The following CCBE1 variants were observed in gnomAD, a reference collection of about 807,000 sequenced individuals.
The protein encoded by CCBE1 is collagen and calcium binding EGF domains 1, also known as collagen and calcium-binding EGF domain-containing protein 1.
Under a neutral mutation model 50.0 loss-of-function variants are expected in CCBE1, and 37 were observed. The observed-to-expected ratio is 0.74, with a 90% confidence interval of 0.57 to 0.97. CCBE1 has a LOEUF of 0.97. Ranked by LOEUF, CCBE1 falls within the 50% of genes least tolerant of loss-of-function variation. The pLI, the probability that CCBE1 is intolerant of heterozygous loss-of-function variation, is 0.00. For missense variants in CCBE1, 538 were observed against 523.8 expected, an observed-to-expected ratio of 1.03 and a Z score of -0.26; for synonymous variants, 234 against 203.7, an observed-to-expected ratio of 1.15 and a Z score of -1.27.
chr18:59,439,814 A>G lies in CCBE1; in HGVS notation c.778T>C (p.Ser260Pro), dbSNP rs748503900. Residue 260 changes from serine to proline, a missense_variant and splice_region_variant, in exon 8 of 11, where the codon TCA becomes CCA. Ser to Pro is a moderately conservative substitution (Grantham distance 74, BLOSUM62 -1). Coordinates refer to ENST00000439986, the MANE Select transcript of CCBE1 (RefSeq NM_133459.4). ...CCTGGGCTTCCCTTTGGTCCTGGTGAGCCTGTAATCAAAGAACACCTCATT... is the reference window on the plus strand; with the variant it reads ...CCTGGGCTTCCCTTTGGTCCTGGTGGGCCTGTAATCAAAGAACACCTCATT... ...GLPGGQGPPGSPGPKGSPGFP... is the reference protein window; with the variant it reads ...GLPGGQGPPGPPGPKGSPGFP... 1.9e-6 allele frequency: 3 copies of G among 1,613,676 alleles called. No individual in the cohort carries two copies. In the Admixed American group the frequency reaches 5.0e-5, roughly 27 times the overall value.
At chr18:59,455,137 AG>A in intron 5 of CCBE1, 186 bp from the exon 6 acceptor site, 1 of 683,372 alleles carries the variant, frequency 1.5e-6, no homozygotes, top group South Asian at 1.5e-5. Flanking sequence ...GGAAGAGGGG[AG>A]GACAGAGGGA....
intron 2 of CCBE1, among the ~76,000 whole-genome samples, chr18:59,543,273 C>T (rs1023601217): frequency 1.3e-5 from 2 of 152,112 alleles, no homozygotes; most frequent in East Asian, 3.9e-4. Context: ...ATCCTGCTAA[C>T]GAATCTAGAA....
At chr18:59,633,283 C>A (rs773889224) in intron 2 of CCBE1, among the ~76,000 whole-genome samples, 3 of 152,170 alleles carry the variant, frequency 2.0e-5, no homozygotes, top group Non-Finnish European at 4.4e-5. Context: ...GCTAAGCTCG[C>A]GACGAATTAC....
chr18:59,639,497 A>C (rs994108491), intron 2 of CCBE1, among the ~76,000 whole-genome samples: 5 of 152,224 alleles, frequency 3.3e-5, no homozygotes, highest in African/African-American at 1.2e-4. Flanking sequence ...CGTACTGCAA[A>C]ATAGTAAGAG....
Position 59,508,711 on chromosome 18 carries a change from C to CTTT in CCBE1, c.213-28476_213-28474dup, listed in dbSNP as rs55881131. ...AGCACAGTACACACATAGAGTTACGCTTTTTTTTTTTTTTTTTTTTTTGAG... is the reference window on the plus strand; with the variant it reads ...AGCACAGTACACACATAGAGTTACGCTTTTTTTTTTTTTTTTTTTTTTTTTGAG... On this transcript the variant is annotated intron_variant, in intron 2 of 10. Coordinates refer to ENST00000439986, the MANE Select transcript of CCBE1 (RefSeq NM_133459.4). 1.2e-3 allele frequency among the ~76,000 whole-genome samples: 118 copies of CTTT among 95,676 alleles called. 8 individuals are homozygous for CTTT. Among genetic ancestry groups the CTTT allele is most frequent in the African/African-American group, 2.5e-3 (55 of 22,082 alleles). The allele number at this position is 95,676 out of a possible 152,430, so 62.8% of individuals were successfully genotyped here.
chr18:59,543,894 G>A (rs1357949678), intron 2 of CCBE1, among the ~76,000 whole-genome samples: 1 of 148,650 alleles, frequency 6.7e-6, no homozygotes, highest in Non-Finnish European at 1.5e-5. Context: ...AAAGCAATGA[G>A]AGGGACACTC....
intron 2 of CCBE1, among the ~76,000 whole-genome samples, chr18:59,638,383 A>G (rs556488678): frequency 1.3e-5 from 2 of 152,372 alleles, no homozygotes; most frequent in South Asian, 2.1e-4. Context: ...TCTACTGCAC[A>G]GTGTACTAGA....
intron 2 of CCBE1, among the ~76,000 whole-genome samples, chr18:59,517,643 A>T (rs1368372930): frequency 3.9e-5 from 6 of 152,242 alleles, no homozygotes; most frequent in Non-Finnish European, 7.3e-5. Context: ...TGACAAAGCC[A>T]TCAGTCAGTT....
chr18:59,560,853 G>A (rs1035956922), intron 2 of CCBE1, among the ~76,000 whole-genome samples: 1 of 152,202 alleles, frequency 6.6e-6, no homozygotes, highest in Non-Finnish European at 1.5e-5. Flanking sequence ...TCAGTGAAGT[G>A]GGGCACCTAC....
intron 6 of CCBE1, among the ~76,000 whole-genome samples, chr18:59,451,201 C>T (rs112724227): frequency 9.2e-5 from 14 of 152,240 alleles, no homozygotes; most frequent in African/African-American, 3.4e-4. Context: ...ATTATCCACA[C>T]TTCCCTCAAC....
chr18:59,466,437 G>A (rs868850929), intron 5 of CCBE1, among the ~76,000 whole-genome samples: 1 of 151,926 alleles, frequency 6.6e-6, no homozygotes, highest in African/African-American at 2.4e-5. Context: ...GGAACTGTGA[G>A]TTTTTTAAAC....
intron 2 of CCBE1, among the ~76,000 whole-genome samples, chr18:59,498,197 T>A (rs2143827962): frequency 7.6e-6 from 1 of 132,432 alleles, no homozygotes; most frequent in South Asian, 3.4e-4. Context: ...AACCAAGATC[T>A]TTTTTTTTTG....
At chr18:59,640,945 G>C (rs536493471) in intron 2 of CCBE1, among the ~76,000 whole-genome samples, 1 of 152,054 alleles carries the variant, frequency 6.6e-6, no homozygotes, top group African/African-American at 2.4e-5. Context: ...ATACCGTCTC[G>C]TACCAGTCAG....
intron 2 of CCBE1, among the ~76,000 whole-genome samples, chr18:59,495,937 C>G (rs1442913101): frequency 6.6e-6 from 1 of 152,092 alleles, no homozygotes; most frequent in Non-Finnish European, 1.5e-5. Flanking sequence ...CTTCCAAGGC[C>G]CAAGAAGAGA....
chr18:59,577,399 T>TG (rs2053014396), intron 2 of CCBE1, among the ~76,000 whole-genome samples: 1 of 152,314 alleles, frequency 6.6e-6, no homozygotes, highest in South Asian at 2.1e-4. Context: ...GAAAGCCCCC[T>TG]GGAAAGACAC....
At chr18:59,538,052 T>A (rs1915322529) in intron 2 of CCBE1, among the ~76,000 whole-genome samples, 1 of 152,224 alleles carries the variant, frequency 6.6e-6, no homozygotes, top group Non-Finnish European at 1.5e-5. Context: ...AACAAGGTGG[T>A]ACTTAAGCAA....
chr18:59,670,806 G>A (rs2054420414), intron 2 of CCBE1, among the ~76,000 whole-genome samples: 1 of 152,056 alleles, frequency 6.6e-6, no homozygotes, highest in Non-Finnish European at 1.5e-5. Flanking sequence ...AAATTAGATG[G>A]GTGTGGTGGC....
intron 2 of CCBE1, among the ~76,000 whole-genome samples, chr18:59,502,871 C>T (rs949393517): frequency 3.9e-5 from 6 of 152,172 alleles, no homozygotes; most frequent in Non-Finnish European, 7.3e-5. Context: ...TGCAACCCTT[C>T]TAGTTTTGCA....
At chr18:59,442,501 G>A (rs1385086792) in intron 7 of CCBE1, among the ~76,000 whole-genome samples, 1 of 152,128 alleles carries the variant, frequency 6.6e-6, no homozygotes, top group African/African-American at 2.4e-5. Flanking sequence ...GCTGAGGTGG[G>A]CAGATCACTT....
Sources: gnomAD v4.1 joint callset for allele counts (sites outside exome capture counted in the v4.1 genomes callset) on GRCh38, gnomAD v4.1.1 for gene constraint, MANE v1.5 for transcripts, NCBI Gene and HGNC (gene_info 2026-07-23, HGNC 2026-07-21) for gene names.